Variants in PCDHA11 observed in about 807,000 individuals in gnomAD.
The protein encoded by PCDHA11 is protocadherin alpha-11.
PCDHA11 carries 61 observed loss-of-function variants against 70.3 expected under a neutral mutation model. The observed-to-expected ratio is 0.87, with a 90% CI of 0.71 to 1.07. The LOEUF is 1.07. PCDHA11 is among the 50% of genes least tolerant of loss of function. PCDHA11 has a pLI of 0.00. For missense variants in PCDHA11, 1,324 were observed against 1,237.5 expected (o/e 1.07, Z -1.05); for synonymous variants, 633 against 555.1 (o/e 1.14, Z -1.97).
At position 140,928,998 on chromosome 5, in the gene PCDHA11, C is replaced by G. The variant is rs1448389331; in HGVS notation, c.2392-49951C>G. On this transcript the variant is annotated intron_variant, in intron 1 of 3. Coordinates refer to ENST00000398640, the MANE Select transcript of PCDHA11 (RefSeq NM_018902.5). The stretch of plus-strand genomic sequence containing the variant: ...TATTTCTGGGGTGCTTACTTTTCTT[C>G]GTGTGTACCAAGTTGCACCAGAGCC... The G allele has an allele frequency of 8.1e-6, 13 of 1,613,784 alleles. No individual in the cohort carries two copies. The Admixed American group carries it at 2.2e-4, about 27-fold the overall frequency.
intron 1 of PCDHA11, chr5:140,884,130 C>T (rs1554181258): frequency 3.1e-6 from 5 of 1,613,434 alleles, no homozygotes; most frequent in Non-Finnish European, 3.4e-6. Flanking sequence ...GCGCGCATCC[C>T]GTTCCGCGTG....
At chr5:140,873,161 C>G (rs946054760) in intron 1 of PCDHA11, among the ~76,000 whole-genome samples, 2 of 152,012 alleles carry the variant, frequency 1.3e-5, no homozygotes, top group South Asian at 2.1e-4. Context: ...GACTTTAGAT[C>G]GAGAGCTTTT....
chr5:140,870,757 GT>G lies in PCDHA11; in HGVS notation c.1655del (p.Val552GlyfsTer28). 6.2e-7 allele frequency: 1 copy of G among 1,613,572 alleles called. No individual in the cohort carries two copies. The highest frequency in any genetic ancestry group is 8.5e-7 in the Non-Finnish European group (1 of 1,179,896). On this transcript the variant is annotated frameshift_variant, in exon 1 of 4. Transcript: ENST00000398640. LOFTEE classifies it high-confidence loss of function. ...PPLSSNVTLQ[V>X]FVLDENDNAP... Reference sequence around the variant, plus strand: ...TCTGAGCAGCAACGTGACGCTGCAGGTGTTCGTGCTGGACGAGAACGACAAC... The same window carrying G: ...TCTGAGCAGCAACGTGACGCTGCAGGGTTCGTGCTGGACGAGAACGACAAC...
chr5:140,875,854 G>C, intron 1 of PCDHA11: 1 of 1,614,160 alleles, frequency 6.2e-7, no homozygotes. Context: ...GGACATTAAC[G>C]ACAACCCGCC....
At chr5:140,913,706 C>A (rs1431880255) in intron 1 of PCDHA11, among the ~76,000 whole-genome samples, 4 of 152,054 alleles carry the variant, frequency 2.6e-5, no homozygotes, top group Non-Finnish European at 5.9e-5. Context: ...CCAATGTAGG[C>A]AATTACAGCT....
chr5:140,900,717 A>G (rs2068252980), intron 1 of PCDHA11, among the ~76,000 whole-genome samples: 1 of 152,136 alleles, frequency 6.6e-6, no homozygotes, highest in South Asian at 2.1e-4. Flanking sequence ...AAGAAAGGAA[A>G]TCCTACCTAG....
At position 140,926,291 on chromosome 5, in the gene PCDHA11, G is replaced by A. The variant is rs545188065; in HGVS notation, c.2392-52658G>A. 3.9e-5 allele frequency: 6 copies of A among 152,438 alleles called. No individual in the cohort carries two copies. The South Asian group carries it at 1.0e-3, about 26-fold the overall frequency. 9.4% of individuals were successfully genotyped at this position (152,438 alleles called of 1,614,324 possible). A position where few individuals can be genotyped will look rare whatever the true frequency, so the allele number is the denominator to read the frequency against. ...CCTCCGCTCGGCAGCTCCACGCTGA[G>A]TCCCGCCCTCTCCGCCGGAGAGGTG... On this transcript the variant is annotated intron_variant, in intron 1 of 3. Transcript: ENST00000398640.
intron 3 of PCDHA11, among the ~76,000 whole-genome samples, chr5:140,992,504 C>T (rs2097516189): frequency 6.6e-6 from 1 of 152,174 alleles, no homozygotes; most frequent in African/African-American, 2.4e-5. Context: ...GGATTCAATC[C>T]TGGGGCATGG....
chr5:140,875,394 G>T, intron 1 of PCDHA11: 1 of 1,476,976 alleles, frequency 6.8e-7, no homozygotes, highest in South Asian at 1.4e-5. Context: ...TACAGAAAAG[G>T]GTGACTGCTC....
At chr5:140,885,737 A>G (rs1347685899) in intron 1 of PCDHA11, among the ~76,000 whole-genome samples, 1 of 152,222 alleles carries the variant, frequency 6.6e-6, no homozygotes, top group South Asian at 2.1e-4. Context: ...ATGATATTTC[A>G]CTGTTACTTT....
chr5:141,009,710 C>A lies in PCDHA11; in HGVS notation c.2623C>A (p.Pro875Thr), dbSNP rs2098413865. 1 of 1,613,980 alleles carries A rather than the reference C, an allele frequency of 6.2e-7. No individual in the cohort carries two copies. Among genetic ancestry groups the A allele is most frequent in the African/African-American group, 1.3e-5 (1 of 74,884 alleles). Residue 875 changes from proline (P) to threonine (T), a missense_variant, in exon 4 of 4, where the codon CCC becomes ACC. Pro to Thr is a conservative substitution (Grantham distance 38). Transcript: ENST00000398640. ...GACCTTTAAATACGGACCAGGCAAC[C>A]CCAAACAATCCGGTCCCGGTGAGTT... ...SWTFKYGPGN[P>T]KQSGPGELPD...
Position 140,868,990 on chromosome 5 carries a change from G to T in PCDHA11, c.-114G>T. On this transcript the variant is annotated 5_prime_UTR_variant, in exon 1 of 4. Coordinates refer to ENST00000398640, the MANE Select transcript of PCDHA11 (RefSeq NM_018902.5). Reference sequence around the variant, plus strand: ...GAACTCCATCATACCGGATGCCACCGTTTAAGGATCCTTTGAAACTTCTTA... The same window carrying T: ...GAACTCCATCATACCGGATGCCACCTTTTAAGGATCCTTTGAAACTTCTTA... 1 of 1,511,604 alleles carries T rather than the reference G, an allele frequency of 6.6e-7. No homozygotes were observed. The highest frequency in any genetic ancestry group is 8.8e-7 in the Non-Finnish European group (1 of 1,131,576). 93.6% of individuals were successfully genotyped at this position (1,511,604 alleles called of 1,614,324 possible). A position where few individuals can be genotyped will look rare whatever the true frequency, so the allele number is the denominator to read the frequency against.
At chr5:140,993,337 G>A (rs2097550534) in intron 3 of PCDHA11, among the ~76,000 whole-genome samples, 1 of 151,924 alleles carries the variant, frequency 6.6e-6, no homozygotes, top group African/African-American at 2.4e-5. Context: ...GTGATTTGAA[G>A]GGCACTACGA....
At chr5:140,906,813 A>G (rs1287106484) in intron 1 of PCDHA11, among the ~76,000 whole-genome samples, 4 of 152,042 alleles carry the variant, frequency 2.6e-5, no homozygotes, top group African/African-American at 4.8e-5. Flanking sequence ...CCTTACCTCC[A>G]CTGTGGAGTA....
rs782188760 is a variant in PCDHA11, at chr5:140,877,108, G to A, written c.2391+5614G>A. 2.5e-5 allele frequency: 41 copies of A among 1,613,540 alleles called. No individual in the cohort carries two copies. Among genetic ancestry groups the A allele is most frequent in the South Asian group, 1.1e-4 (10 of 91,052 alleles). ...GCGCGACGCCGGCGTGCCGCCTCTG[G>A]GCAGCAACGTGACGCTGCAGGTGTT... On this transcript the variant is annotated intron_variant, in intron 1 of 3. Transcript: ENST00000398640.
At chr5:140,909,872 G>A (rs1245615872) in intron 1 of PCDHA11, among the ~76,000 whole-genome samples, 2 of 152,182 alleles carry the variant, frequency 1.3e-5, no homozygotes, top group African/African-American at 4.8e-5. Flanking sequence ...GTCAACGTCA[G>A]CTTAGAGACA....
intron 1 of PCDHA11, among the ~76,000 whole-genome samples, chr5:140,964,342 C>T (rs2095825714): frequency 6.6e-6 from 1 of 152,184 alleles, no homozygotes; most frequent in Non-Finnish European, 1.5e-5. Context: ...TGGCAGGTGT[C>T]CTTGCTGGAA....
chr5:140,973,554 C>T (rs897513375), intron 1 of PCDHA11, among the ~76,000 whole-genome samples: 3 of 152,316 alleles, frequency 2.0e-5, no homozygotes, highest in Admixed American at 6.5e-5. Flanking sequence ...TTTCAATTAC[C>T]TCTTTCCTCA....
At chr5:140,912,209 G>T (rs1027468350) in intron 1 of PCDHA11, among the ~76,000 whole-genome samples, 8 of 152,158 alleles carry the variant, frequency 5.3e-5, no homozygotes, top group Non-Finnish European at 7.3e-5. Context: ...ATTGAGGGTA[G>T]ATCTGCCTTT....
Sources: allele counts gnomAD v4.1 joint callset (sites outside exome capture counted in the v4.1 genomes callset), GRCh38; gene constraint gnomAD v4.1.1; transcripts MANE v1.5; gene names NCBI Gene and HGNC (gene_info 2026-07-23, HGNC 2026-07-21).